CTNNA3: variants seen among roughly 807,000 people sequenced by gnomAD.
The protein encoded by CTNNA3 is catenin alpha-3.
In CTNNA3, 76 loss-of-function variants were observed where a neutral mutation model predicts 95.7. The ratio of observed to expected loss-of-function variants is 0.79; its 90% CI spans 0.66 to 0.96. The LOEUF is 0.96. Ranked by LOEUF, CTNNA3 falls within the 40% of genes least tolerant of loss-of-function variation. CTNNA3 has a pLI of 0.00. For missense variants in CTNNA3, 1,191 were observed against 1,089.8 expected, an observed-to-expected ratio of 1.09 and a Z score of -1.31; for synonymous variants, 431 against 374.4, an observed-to-expected ratio of 1.15 and a Z score of -1.74.
intron 10 of CTNNA3, among the ~76,000 whole-genome samples, chr10:66,590,812 CCTAA>C (rs140194917): frequency 0.024 from 3,704 of 152,014 alleles, 150 homozygotes; most frequent in African/African-American, 0.084. Context: ...AAAATATCTT[CCTAA>C]CTGATAATGC....
At position 67,521,945 on chromosome 10, in the gene CTNNA3, T is replaced by C; in HGVS notation, c.476A>G (p.Glu159Gly). 6.2e-7 allele frequency: 1 copy of C among 1,611,754 alleles called. No individual in the cohort carries two copies. Among genetic ancestry groups the C allele is most frequent in the East Asian group, 2.2e-5 (1 of 44,878 alleles). Residue 159 changes from glutamate (E) to glycine (G), a missense_variant, in exon 5 of 18, where the codon GAG (glutamate) becomes GGG (glycine). Glu to Gly is a moderately conservative substitution (Grantham distance 98). Transcript: ENST00000433211. Reference sequence around the variant, plus strand: ...TTTGTTGGCAACATTTTTGAGAGACTCAAATGTCCTTTGAAACTGAAATTG... The same window carrying C: ...TTTGTTGGCAACATTTTTGAGAGACCCAAATGTCCTTTGAAACTGAAATTG... ...QHVSAFQRTF[E>G]SLKNVANKSD...
chr10:67,468,322 A>T (rs1847680730), intron 5 of CTNNA3, among the ~76,000 whole-genome samples: 2 of 152,098 alleles, frequency 1.3e-5, no homozygotes, highest in African/African-American at 2.4e-5. Flanking sequence ...TCAGCCTAGA[A>T]GTCTGAGGCC....
intron 13 of CTNNA3, among the ~76,000 whole-genome samples, chr10:66,188,456 T>C (rs1483727257): frequency 6.6e-6 from 1 of 151,946 alleles, no homozygotes. Context: ...AGATTCCATA[T>C]ATAAGTGAGA....
At chr10:67,367,668 G>A (rs933087349) in intron 5 of CTNNA3, among the ~76,000 whole-genome samples, 3 of 152,078 alleles carry the variant, frequency 2.0e-5, no homozygotes, top group South Asian at 4.1e-4. Flanking sequence ...ATCAACCTAG[G>A]TGCCCGTCAA....
chr10:67,281,031 C>A (rs553970534), intron 5 of CTNNA3, among the ~76,000 whole-genome samples: 1 of 152,106 alleles, frequency 6.6e-6, no homozygotes, highest in African/African-American at 2.4e-5. Flanking sequence ...CACAGCAATT[C>A]TACACATTTT....
chr10:67,700,347 C>T (rs968786913), upstream of CTNNA3, among the ~76,000 whole-genome samples: 11 of 152,164 alleles, frequency 7.2e-5, no homozygotes, highest in African/African-American at 2.4e-4. Flanking sequence ...ACCCCTTGAC[C>T]CCCGAGCAGC....
chr10:67,292,261 A>C (rs1305459145), intron 5 of CTNNA3, among the ~76,000 whole-genome samples: 1 of 152,188 alleles, frequency 6.6e-6, no homozygotes, highest in African/African-American at 2.4e-5. Context: ...AGGGAAAAGA[A>C]GTTCTAGTTT....
At chr10:67,714,356 C>A (rs1225823912) in intron 1 of CTNNA3, among the ~76,000 whole-genome samples, 1 of 152,232 alleles carries the variant, frequency 6.6e-6, no homozygotes, top group African/African-American at 2.4e-5. Context: ...GACCTGGATG[C>A]AAGACATGGA....
chr10:66,796,386 TAC>T (rs1841190602), intron 7 of CTNNA3, among the ~76,000 whole-genome samples: 1 of 152,048 alleles, frequency 6.6e-6, no homozygotes, highest in African/African-American at 2.4e-5. Flanking sequence ...GCAGTCAGAA[TAC>T]ACACCCTTAT....
chr10:67,737,398 G>A (rs769307284), intron 1 of CTNNA3, among the ~76,000 whole-genome samples: 15 of 152,010 alleles, frequency 9.9e-5, no homozygotes, highest in Non-Finnish European at 2.2e-4. Context: ...CAAAAAAATA[G>A]AAGGACTTCA....
chr10:66,391,333 T>C (rs1589183257), intron 11 of CTNNA3, among the ~76,000 whole-genome samples: 1 of 152,096 alleles, frequency 6.6e-6, no homozygotes, highest in African/African-American at 2.4e-5. Context: ...AAGAAAGTCA[T>C]TGAAGGCTTC....
rs532034707 is a variant in CTNNA3, at chr10:66,076,212, C to T, written c.1978-6723G>A. The stretch of plus-strand genomic sequence containing the variant: ...ATGTACGTGTTTTCTTAAAATAAGC[C>T]TAGAGGCATTTGGGAAATAGATGTA... On this transcript the variant is annotated intron_variant, in intron 14 of 17. Coordinates refer to ENST00000433211, the MANE Select transcript of CTNNA3 (RefSeq NM_013266.4). Among the ~76,000 whole-genome samples, 20 of 151,484 alleles carry T rather than the reference C, an allele frequency of 1.3e-4. No homozygotes were observed. In the South Asian group the frequency reaches 3.9e-3, roughly 30 times the overall value.
chr10:67,234,746 T>C (rs1309703424), intron 5 of CTNNA3, among the ~76,000 whole-genome samples: 3 of 152,140 alleles, frequency 2.0e-5, no homozygotes, highest in Admixed American at 6.5e-5. Flanking sequence ...GATGACATGA[T>C]TGTATATCTA....
At chr10:66,735,279 G>C (rs150762229) in intron 9 of CTNNA3, among the ~76,000 whole-genome samples, 2 of 151,848 alleles carry the variant, frequency 1.3e-5, no homozygotes, top group African/African-American at 4.8e-5. Flanking sequence ...ACTTTTGCAT[G>C]TCTTACAACA....
At chr10:66,500,351 A>G (rs895710275) in intron 11 of CTNNA3, among the ~76,000 whole-genome samples, 1 of 152,262 alleles carries the variant, frequency 6.6e-6, no homozygotes, top group South Asian at 2.1e-4. Context: ...CAGACAGAAG[A>G]TAATAAAATA....
At chr10:67,357,983 GAT>G (rs1554826718) in intron 5 of CTNNA3, among the ~76,000 whole-genome samples, 9 of 151,974 alleles carry the variant, frequency 5.9e-5, no homozygotes, top group South Asian at 2.1e-4. Flanking sequence ...AATAAACCTG[GAT>G]ATATATGAAT....
intron 11 of CTNNA3, among the ~76,000 whole-genome samples, chr10:66,479,208 C>T (rs1460580361): frequency 6.6e-6 from 1 of 151,838 alleles, no homozygotes; most frequent in African/African-American, 2.4e-5. Flanking sequence ...ATACTTGTAT[C>T]TATATATTGG....
intron 5 of CTNNA3, among the ~76,000 whole-genome samples, chr10:67,337,703 C>T (rs773508845): frequency 2.6e-5 from 4 of 152,254 alleles, no homozygotes; most frequent in South Asian, 2.1e-4. Flanking sequence ...ACCCAACATA[C>T]GGCAACTATT....
intron 5 of CTNNA3, among the ~76,000 whole-genome samples, chr10:67,518,340 G>C (rs1672898515): frequency 6.6e-6 from 1 of 152,122 alleles, no homozygotes; most frequent in Non-Finnish European, 1.5e-5. Context: ...TGACTTTAAA[G>C]AATGATTTAA....
Sources: gnomAD v4.1 joint callset for allele counts (sites outside exome capture counted in the v4.1 genomes callset) on GRCh38, gnomAD v4.1.1 for gene constraint, MANE v1.5 for transcripts, NCBI Gene and HGNC (gene_info 2026-07-23, HGNC 2026-07-21) for gene names.